SLF2: variants seen among roughly 807,000 people sequenced by gnomAD.
SLF2 encodes the protein SMC5-SMC6 complex localization factor protein 2.
SLF2 carries 68 observed loss-of-function variants against 124.3 expected under a neutral mutation model. The observed-to-expected ratio is 0.55, with a 90% CI of 0.45 to 0.67. The LOEUF is 0.67. SLF2 is among the 30% of genes least tolerant of loss of function. The probability of loss-of-function intolerance (pLI) is 0.00; values close to 1 mark genes in which losing one functional copy is unlikely to be tolerated. For synonymous variants in SLF2, 480 were observed against 478.8 expected, an observed-to-expected ratio of 1.00 and a Z score of -0.03; for missense variants, 1,246 against 1,373.7, an observed-to-expected ratio of 0.91 and a Z score of 1.47.
In SLF2 at chr10:100,950,546, A is replaced by C. The variant is rs935039992; in HGVS notation, c.3253-130A>C. 55 of 742,332 alleles carry C rather than the reference A, an allele frequency of 7.4e-5. No homozygotes were observed. The East Asian group carries it at 1.4e-3, about 19-fold the overall frequency. The allele number at this position is 742,332 out of a possible 1,614,324, so 46.0% of individuals were successfully genotyped here. A position where few individuals can be genotyped will look rare whatever the true frequency, so the allele number is the denominator to read the frequency against. ...AGCCTAGTTTAGATGCTTCGCTTTT[A>C]CTTACTGACCAGCTGGGTTAACTTG... On this transcript the variant is annotated intron_variant, in intron 16 of 19. Transcript: ENST00000238961.
intron 19 of SLF2, among the ~76,000 whole-genome samples, chr10:100,960,995 C>CTACTTTTTTTTTTTTTTTTTTTTTTTTT (rs1411407192): frequency 1.8e-5 from 1 of 54,450 alleles, no homozygotes. Flanking sequence ...ATATTCTGTA[C>CTACTTTTTTTTTTTTTTTTTTTTTTTTT]TTCTTTTTTT....
intron 7 of SLF2, 126 bp downstream of exon 7, chr10:100,929,565 ATGG>A: frequency 1.1e-6 from 1 of 893,758 alleles, no homozygotes; most frequent in Non-Finnish European, 1.6e-6. Context: ...TCTGTCTGTA[ATGG>A]GTTTGAAAGG....
Position 100,961,988 on chromosome 10 carries a change from T to TG in SLF2, c.*76_*77insG. The TG allele has an allele frequency of 2.2e-6, 3 of 1,346,778 alleles. No individual in the cohort carries two copies. Among genetic ancestry groups the TG allele is most frequent in the Non-Finnish European group, 3.1e-6 (3 of 969,866 alleles). 83.4% of individuals were successfully genotyped at this position (1,346,778 alleles called of 1,614,324 possible). A position where few individuals can be genotyped will look rare whatever the true frequency, so the allele number is the denominator to read the frequency against. ...TTTCATAGAGGAGTAGAAAGGATTA[T>TG]TACAGAATCCAATGAATGCCAAGAA... On this transcript the variant is annotated 3_prime_UTR_variant, in exon 20 of 20. Coordinates refer to ENST00000238961, the MANE Select transcript of SLF2 (RefSeq NM_018121.4).
At chr10:100,918,909 C>G (rs1441041219) in intron 4 of SLF2, among the ~76,000 whole-genome samples, 3 of 151,464 alleles carry the variant, frequency 2.0e-5, no homozygotes, top group African/African-American at 7.3e-5. Flanking sequence ...TGTCTTGAAT[C>G]TCTGCCCTCT....
intron 18 of SLF2, among the ~76,000 whole-genome samples, chr10:100,958,373 CTCTT>C (rs2133834052): frequency 6.6e-6 from 1 of 152,336 alleles, no homozygotes; most frequent in African/African-American, 2.4e-5. Flanking sequence ...TAGGGGATAG[CTCTT>C]TCCCCAAGAG....
At chr10:100,915,522 A>T (rs1197809163) in intron 1 of SLF2, among the ~76,000 whole-genome samples, 1 of 152,068 alleles carries the variant, frequency 6.6e-6, no homozygotes, top group Non-Finnish European at 1.5e-5. Context: ...TATAATCCCC[A>T]TTATTCATTT....
intron 17 of SLF2, among the ~76,000 whole-genome samples, chr10:100,953,034 G>A (rs980568130): frequency 1.3e-4 from 20 of 149,330 alleles, no homozygotes; most frequent in Non-Finnish European, 7.4e-5. Context: ...TTTTTTTTTC[G>A]AGACGGAGTC....
At chr10:100,954,019 G>T (rs1420167962) in intron 17 of SLF2, among the ~76,000 whole-genome samples, 1 of 152,002 alleles carries the variant, frequency 6.6e-6, no homozygotes, top group African/African-American at 2.4e-5. Context: ...CACTTTGGTA[G>T]GCCGAGGCAT....
intron 16 of SLF2, 52 bp from the exon 17 acceptor site, chr10:100,950,624 A>C (rs1246763126): frequency 6.9e-7 from 1 of 1,457,222 alleles, no homozygotes; most frequent in Non-Finnish European, 9.6e-7. Flanking sequence ...AATTGGAATG[A>C]CATCTATGCT....
At chr10:100,950,973 G>A (rs1378630175) in intron 17 of SLF2, among the ~76,000 whole-genome samples, 1 of 152,210 alleles carries the variant, frequency 6.6e-6, no homozygotes, top group African/African-American at 2.4e-5. Flanking sequence ...AGGCGCCATG[G>A]CTCACGCCTG....
chr10:100,952,982 G>A (rs1314468169), intron 17 of SLF2, among the ~76,000 whole-genome samples: 3 of 152,068 alleles, frequency 2.0e-5, no homozygotes, highest in Non-Finnish European at 2.9e-5. Flanking sequence ...AGCTAATATA[G>A]TCATCTGTAA....
Position 100,924,563 on chromosome 10 carries a change from A to C in SLF2, c.1562A>C (p.His521Pro). 6.2e-7 allele frequency: 1 copy of C among 1,614,152 alleles called. No homozygotes were observed. The part of the protein sequence containing the change: ...CSGHSTESTK[H>P]KEHKAKTNKA... ...GGGCATTCTACAGAATCCACCAAACACAAGGAACACAAAGCAAAGACTAAT... is the reference window on the plus strand; with the variant it reads ...GGGCATTCTACAGAATCCACCAAACCCAAGGAACACAAAGCAAAGACTAAT... The change falls in exon 5 of 20, where the codon CAC (histidine) becomes CCC (proline). Residue 521 changes from histidine (H) to proline (P), a missense_variant. This residue lies in a region of SLF2 where 698 missense variants were observed against 708.9 expected (regional missense o/e 0.98). Transcript: ENST00000238961.
Position 100,923,974 on chromosome 10 carries a change from G to T in SLF2, c.974-1G>T. On this transcript the variant is annotated splice_acceptor_variant, in intron 4 of 19. Transcript: ENST00000238961. LOFTEE classifies it high-confidence loss of function. ...CTAATCTAACAAAAATTAAATTTTA[G>T]CAGGCTCTAAGCAGAATAAATTCCC... The T allele has an allele frequency of 2.0e-6, 3 of 1,498,380 alleles. No individual in the cohort carries two copies. The highest frequency in any genetic ancestry group is 2.7e-6 in the Non-Finnish European group (3 of 1,126,164). The allele number at this position is 1,498,380 out of a possible 1,614,324, so 92.8% of individuals were successfully genotyped here.
intron 6 of SLF2, chr10:100,926,483 G>C: frequency 2.3e-6 from 1 of 436,270 alleles, no homozygotes; most frequent in Non-Finnish European, 3.9e-6. Context: ...ACATACCTAT[G>C]GTCCCAGCTA....
chr10:100,947,961 T>TAA (rs1850136703), intron 15 of SLF2, 114 bp downstream of exon 15: 5 of 661,248 alleles, frequency 7.6e-6, no homozygotes, highest in Non-Finnish European at 1.3e-5. Context: ...CTCTTAAGCT[T>TAA]GATACTGTTC....
intron 9 of SLF2, among the ~76,000 whole-genome samples, chr10:100,934,790 T>G (rs1034253410): frequency 1.3e-5 from 2 of 151,160 alleles, no homozygotes; most frequent in African/African-American, 4.9e-5. Flanking sequence ...TTTTTTTTTT[T>G]TTTGTATTTT....
At chr10:100,939,863 A>C (rs182136848) in intron 11 of SLF2, among the ~76,000 whole-genome samples, 1 of 152,308 alleles carries the variant, frequency 6.6e-6, no homozygotes, top group Admixed American at 6.5e-5. Context: ...ACATTATGAA[A>C]ATTCTCTTTC....
chr10:100,931,774 A>G (rs2133784754), intron 9 of SLF2, among the ~76,000 whole-genome samples: 1 of 152,248 alleles, frequency 6.6e-6, no homozygotes, highest in African/African-American at 2.4e-5. Context: ...CAGGTGGATC[A>G]TGAGGTCAGG....
intron 6 of SLF2, among the ~76,000 whole-genome samples, chr10:100,928,915 G>C (rs1020689619): frequency 3.3e-5 from 5 of 152,080 alleles, no homozygotes; most frequent in Non-Finnish European, 7.4e-5. Context: ...CAGGTTGTTG[G>C]GCATCTAGAA....
Sources: allele counts gnomAD v4.1 joint callset (sites outside exome capture counted in the v4.1 genomes callset), GRCh38; gene constraint gnomAD v4.1.1; regional missense constraint gnomAD v4.1.1; transcripts MANE v1.5; gene names NCBI Gene and HGNC (gene_info 2026-07-23, HGNC 2026-07-21).